The following LRBA variants were observed in gnomAD, a reference collection of about 807,000 sequenced individuals.
LRBA encodes lipopolysaccharide-responsive and beige-like anchor protein.
In LRBA, 176 loss-of-function variants were observed where a neutral mutation model predicts 330.0. The observed-to-expected ratio is 0.53, with a 90% confidence interval of 0.47 to 0.60. The LOEUF (loss-of-function observed/expected upper bound fraction) is 0.60. LRBA is among the 20% of genes least tolerant of loss of function. The pLI is 0.00. For missense variants in LRBA, 3,259 were observed against 3,444.8 expected (o/e 0.95, Z 1.35); for synonymous variants, 1,230 against 1,193.0 (o/e 1.03, Z -0.64).
chr4:150,711,491 G>A (rs187079529), intron 36 of LRBA, among the ~76,000 whole-genome samples: 1 of 152,208 alleles, frequency 6.6e-6, no homozygotes, highest in Non-Finnish European at 1.5e-5. Context: ...ACCCACCTCA[G>A]CCTCCCAAAA....
chr4:150,981,038 G>A (rs1481666488), intron 2 of LRBA, among the ~76,000 whole-genome samples: 1 of 151,764 alleles, frequency 6.6e-6, no homozygotes, highest in East Asian at 1.9e-4. Context: ...CTGTTAAAAT[G>A]TCCATAGTAC....
intron 17 of LRBA, among the ~76,000 whole-genome samples, chr4:150,879,325 T>G (rs1306577342): frequency 6.6e-6 from 1 of 152,110 alleles, no homozygotes; most frequent in South Asian, 2.1e-4. Context: ...CATCTCTTCA[T>G]CATAAAAATC....
chr4:150,838,690 G>T (rs184760103), intron 28 of LRBA, among the ~76,000 whole-genome samples: 2 of 152,074 alleles, frequency 1.3e-5, no homozygotes, highest in East Asian at 3.9e-4. Context: ...TTTGCCATTC[G>T]TCTAATCTTT....
At chr4:150,585,105 A>AT (rs1771931155) in intron 40 of LRBA, among the ~76,000 whole-genome samples, 1 of 152,156 alleles carries the variant, frequency 6.6e-6, no homozygotes, top group Admixed American at 6.5e-5. Flanking sequence ...ATATTTATGG[A>AT]TTTTTCTGAA....
intron 2 of LRBA, among the ~76,000 whole-genome samples, chr4:151,003,046 G>GTA (rs1743572192): frequency 1.5e-4 from 1 of 6,608 alleles, no homozygotes; most frequent in African/African-American, 1.9e-4. Context: ...ATGTGTTTGC[G>GTA]TGTGTGTGTG....
At chr4:150,288,518 GGT>G (rs1748451997) in intron 53 of LRBA, among the ~76,000 whole-genome samples, 1 of 152,098 alleles carries the variant, frequency 6.6e-6, no homozygotes, top group Non-Finnish European at 1.5e-5. Flanking sequence ...GAACCTGGGA[GGT>G]GGAGGTTGCA....
chr4:150,489,129 GAATATAT>G (rs1422250209), intron 41 of LRBA, among the ~76,000 whole-genome samples: 2 of 61,636 alleles, frequency 3.2e-5, no homozygotes, highest in Admixed American at 2.5e-4. Flanking sequence ...TAATATATAA[GAATATAT>G]AATATATAAT....
At chr4:150,639,847 A>AGTTTCGC (rs1778476301) in intron 37 of LRBA, among the ~76,000 whole-genome samples, 1 of 66,766 alleles carries the variant, frequency 1.5e-5, no homozygotes, top group Non-Finnish European at 2.8e-5. Flanking sequence ...ATATATATAT[A>AGTTTCGC]TATATATATA....
At chr4:150,523,817 CCCAT>C in intron 40 of LRBA, among the ~76,000 whole-genome samples, 1 of 152,112 alleles carries the variant, frequency 6.6e-6, no homozygotes, top group East Asian at 1.9e-4. Flanking sequence ...TATCTATCTA[CCCAT>C]CCATCCATCC....
chr4:150,771,718 C>A (rs974340877), intron 34 of LRBA, among the ~76,000 whole-genome samples: 10 of 152,182 alleles, frequency 6.6e-5, no homozygotes, highest in Non-Finnish European at 1.5e-4. Flanking sequence ...GCAGATTTGA[C>A]ACTCAGCAGT....
intron 40 of LRBA, among the ~76,000 whole-genome samples, chr4:150,501,165 T>C (rs551975978): frequency 6.6e-6 from 1 of 152,344 alleles, no homozygotes; most frequent in Admixed American, 6.5e-5. Context: ...AACTCCATAT[T>C]GTTGCACAAT....
At chr4:150,335,491 G>GTATA (rs140639293) in intron 48 of LRBA, among the ~76,000 whole-genome samples, 33 of 143,952 alleles carry the variant, frequency 2.3e-4, no homozygotes, top group Middle Eastern at 3.8e-3. Flanking sequence ...ATATGTGTGT[G>GTATA]TATATATATA....
chr4:150,835,918 T>A (rs896099881), intron 28 of LRBA, among the ~76,000 whole-genome samples: 4 of 152,218 alleles, frequency 2.6e-5, no homozygotes, highest in African/African-American at 9.6e-5. Context: ...GCCCATTCAG[T>A]ATGATATTGG....
intron 47 of LRBA, among the ~76,000 whole-genome samples, chr4:150,362,008 A>G (rs184179667): frequency 3.3e-5 from 5 of 152,126 alleles, no homozygotes; most frequent in Non-Finnish European, 7.4e-5. Context: ...TCCTGACCTC[A>G]TGATCTGCCC....
intron 37 of LRBA, among the ~76,000 whole-genome samples, chr4:150,645,257 T>C (rs1483161576): frequency 6.6e-6 from 1 of 151,618 alleles, no homozygotes; most frequent in Non-Finnish European, 1.5e-5. Flanking sequence ...CTAAATGGTT[T>C]TAGAAATTAG....
chr4:150,912,484 T>C (rs910959137), intron 9 of LRBA, among the ~76,000 whole-genome samples: 2 of 152,242 alleles, frequency 1.3e-5, no homozygotes, highest in African/African-American at 4.8e-5. Context: ...CTGCTTTGTT[T>C]CCCACTGATT....
chr4:150,901,780 CATACA>C (rs1414913455), intron 13 of LRBA, among the ~76,000 whole-genome samples: 1 of 152,180 alleles, frequency 6.6e-6, no homozygotes, highest in Non-Finnish European at 1.5e-5. Context: ...TATCTATACA[CATACA>C]ATACATTGTG....
intron 43 of LRBA, among the ~76,000 whole-genome samples, chr4:150,470,743 T>G (rs1756000359): frequency 6.6e-6 from 1 of 152,048 alleles, no homozygotes; most frequent in African/African-American, 2.4e-5. Flanking sequence ...CTACATTCAG[T>G]CAGCTGCATA....
At chr4:150,819,915 T>G (rs1745178655) in intron 30 of LRBA, among the ~76,000 whole-genome samples, 1 of 152,102 alleles carries the variant, frequency 6.6e-6, no homozygotes, top group Non-Finnish European at 1.5e-5. Context: ...GCTTTCTACA[T>G]GAATTTACAT....
Sources: gnomAD v4.1 joint callset for allele counts (sites outside exome capture counted in the v4.1 genomes callset) on GRCh38, gnomAD v4.1.1 for gene constraint, MANE v1.5 for transcripts, NCBI Gene and HGNC (gene_info 2026-07-23, HGNC 2026-07-21) for gene names.